The following PFKFB2 variants were observed in gnomAD, a reference collection of about 807,000 sequenced individuals.
PFKFB2 encodes 6-phosphofructo-2-kinase/fructose-2,6-biphosphatase 2, also known as 6-phosphofructo-2-kinase/fructose-2,6-bisphosphatase 2.
Under a neutral mutation model 68.0 loss-of-function variants are expected in PFKFB2, and 53 were observed. The ratio of observed to expected loss-of-function variants is 0.78; its 90% CI spans 0.63 to 0.98. The LOEUF is 0.98. Among genes scored for constraint, PFKFB2 ranks in the 50% least tolerant of loss-of-function variants. The probability of loss-of-function intolerance (pLI) is 0.00; values close to 1 mark genes in which losing one functional copy is unlikely to be tolerated. For missense variants in PFKFB2, 451 were observed against 642.0 expected (o/e 0.70, Z 3.22); for synonymous variants, 222 against 227.6 (o/e 0.98, Z 0.22).
chr1:207,072,316 C>T lies in PFKFB2; in HGVS notation c.1463C>T (p.Pro488Leu), dbSNP rs1683489738. The T allele has an allele frequency of 6.2e-7, 1 of 1,614,068 alleles. No homozygotes were observed. The highest frequency in any genetic ancestry group is 8.5e-7 in the Non-Finnish European group (1 of 1,180,040). ...RPRNYSVGSR[P>L]LKPLSPLRAQ... ...AGAAATTACAGTGTTGGGAGCCGGC[C>T]CCTCAAGCCCCTCAGCCCTCTCCGT... Residue 488 changes from proline to leucine, a missense_variant, in exon 15 of 15, where the codon CCC (proline) becomes CTC (leucine). Transcript: ENST00000367080.
intron 1 of PFKFB2, among the ~76,000 whole-genome samples, chr1:207,039,754 C>T (rs935457138): frequency 3.3e-5 from 5 of 152,192 alleles, no homozygotes; most frequent in Admixed American, 1.3e-4. Context: ...GACAAACTCT[C>T]CTGCTGTTTG....
At chr1:207,034,804 T>A (rs1471774276) in intron 1 of PFKFB2, 1 of 152,224 alleles carries the variant, frequency 6.6e-6, no homozygotes, top group African/African-American at 2.4e-5. Flanking sequence ...CTTACAAGCC[T>A]TGAGCCTCCC....
Position 207,072,551 on chromosome 1 carries a change from G to T in PFKFB2, c.*180G>T. The T allele has an allele frequency of 7.4e-7, 1 of 1,358,738 alleles. No homozygotes were observed. Among genetic ancestry groups the T allele is most frequent in the Non-Finnish European group, 9.5e-7 (1 of 1,056,706 alleles). 84.2% of individuals were successfully genotyped at this position (1,358,738 alleles called of 1,614,324 possible). A position where few individuals can be genotyped will look rare whatever the true frequency, so the allele number is the denominator to read the frequency against. On this transcript the variant is annotated 3_prime_UTR_variant, in exon 15 of 15. Coordinates refer to ENST00000367080, the MANE Select transcript of PFKFB2 (RefSeq NM_006212.2). ...GTTATGTGTTTATAGGACAACTTAA[G>T]CTGTTCTTCAGTTTGAAACATCTTT...
At chr1:207,062,539 G>T in intron 3 of PFKFB2, 81 bp from the exon 4 acceptor site, 1 of 1,565,096 alleles carries the variant, frequency 6.4e-7, no homozygotes, top group South Asian at 1.2e-5. Context: ...TGGTCACTCC[G>T]ACATTAGGCC....
At chr1:207,066,972 G>A (rs1321712212) in intron 8 of PFKFB2, among the ~76,000 whole-genome samples, 1 of 152,154 alleles carries the variant, frequency 6.6e-6, no homozygotes, top group Non-Finnish European at 1.5e-5. Flanking sequence ...CTTTTATAAA[G>A]AGAACAATCT....
chr1:207,067,372 G>A, intron 8 of PFKFB2, 127 bp from the exon 9 acceptor site: 1 of 648,336 alleles, frequency 1.5e-6, no homozygotes, highest in Non-Finnish European at 2.7e-6. Context: ...CATAAACGTG[G>A]GTGTGACAGA....
intron 9 of PFKFB2, 38 bp from the exon 10 acceptor site, chr1:207,068,124 GT>G (rs769776567): frequency 2.8e-4 from 436 of 1,564,430 alleles, no homozygotes; most frequent in Non-Finnish European, 3.7e-4. Flanking sequence ...GTGTCTGTGT[GT>G]TTTCTTTTTA....
rs576015932 is a variant in PFKFB2 at position 207,070,106 on chromosome 1, C to T, written c.1093-174C>T. ...ATTGCTTTTGAAAGATCTGAGTTTT[C>T]TCAAGAGATACCAGGGCTGGGGGCA... is the stretch of plus-strand genomic sequence containing the variant. On this transcript the variant is annotated intron_variant, in intron 11 of 14. Transcript: ENST00000367080. The surrounding 1 kb of genome is among the most constrained non-coding windows in gnomAD (Gnocchi z 4.2). Among the ~76,000 whole-genome samples, 3 of 152,198 alleles carry T rather than the reference C, an allele frequency of 2.0e-5. No individual in the cohort carries two copies. The highest frequency in any genetic ancestry group is 4.4e-5 in the Non-Finnish European group (3 of 68,042).
At chr1:207,079,016 CT>C (rs749416011), downstream of PFKFB2, 12 of 1,609,648 alleles carry the variant, frequency 7.5e-6, no homozygotes, top group South Asian at 1.3e-4. Flanking sequence ...TGTTGCCTTG[CT>C]AATGATGTGG....
chr1:207,055,443 G>A (rs549514937), intron 2 of PFKFB2, among the ~76,000 whole-genome samples: 2 of 152,232 alleles, frequency 1.3e-5, no homozygotes, highest in South Asian at 4.1e-4. Flanking sequence ...AGGAGGGTTT[G>A]CGAGGAGATG....
chr1:207,070,864 T>A lies in PFKFB2; in HGVS notation c.1223-324T>A. 3.2e-6 allele frequency: 1 copy of A among 311,578 alleles called. No individual in the cohort carries two copies. The highest frequency in any genetic ancestry group is 6.0e-6 in the Non-Finnish European group (1 of 165,318). 19.3% of individuals were successfully genotyped at this position (311,578 alleles called of 1,614,324 possible). A position where few individuals can be genotyped will look rare whatever the true frequency, so the allele number is the denominator to read the frequency against. On this transcript the variant is annotated intron_variant, in intron 12 of 14. Transcript: ENST00000367080. This position sits in a 1 kb window ranked among gnomAD's most constrained non-coding sequence, Gnocchi z 4.2. The stretch of plus-strand genomic sequence containing the variant: ...TGCATTGTGGATGCTGAGCTCAGCA[T>A]CCTGAGCTGCTTGGAAGCTGTTGTG...
At chr1:207,067,745 G>A (rs755905173) in intron 9 of PFKFB2, 39 bp downstream of exon 9, 82 of 1,484,596 alleles carry the variant, frequency 5.5e-5, no homozygotes, top group Non-Finnish European at 7.5e-5. Flanking sequence ...TCTAGGCTTA[G>A]AGTTAGAAGG....
At chr1:207,072,054 C>T in intron 14 of PFKFB2, 150 bp from the exon 15 acceptor site, 3 of 1,342,010 alleles carry the variant, frequency 2.2e-6, no homozygotes, top group Non-Finnish European at 3.0e-6. Context: ...TGCTAGGAGG[C>T]CAGGCCATGG....
intron 2 of PFKFB2, among the ~76,000 whole-genome samples, chr1:207,061,176 TATATATATATATATATATA>T (rs1683101389): frequency 1.6e-5 from 1 of 63,530 alleles, no homozygotes. Context: ...TATATATATA[TATATATATATATATATATA>T]TATATATTTT....
chr1:207,051,271 G>A (rs556993568), upstream of PFKFB2, among the ~76,000 whole-genome samples: 2 of 152,184 alleles, frequency 1.3e-5, no homozygotes, highest in African/African-American at 4.8e-5. Flanking sequence ...AGGAGTTCCT[G>A]AATGAAGGTC....
intron 1 of PFKFB2, chr1:207,034,995 A>G (rs558439765): frequency 3.0e-4 from 60 of 200,052 alleles, no homozygotes; most frequent in Non-Finnish European, 4.7e-4. Flanking sequence ...GGAGGCCTGG[A>G]CTACAGAAAA....
rs1683130039 is a variant in PFKFB2 at position 207,061,942 on chromosome 1, T to C, written c.86-11T>C. The C allele has an allele frequency of 6.2e-7, 1 of 1,612,938 alleles. No homozygotes were observed. Among genetic ancestry groups the C allele is most frequent in the East Asian group, 2.2e-5 (1 of 44,884 alleles). On this transcript the variant is annotated splice_polypyrimidine_tract_variant and intron_variant, in intron 2 of 14. Coordinates refer to ENST00000367080, the MANE Select transcript of PFKFB2 (RefSeq NM_006212.2). ...AGTCATTTCGTTTTATTTTGTTTCATTTCCTTCTAGCATGGGCCTCCTACA... is the reference window on the plus strand; with the variant it reads ...AGTCATTTCGTTTTATTTTGTTTCACTTCCTTCTAGCATGGGCCTCCTACA...
Position 207,070,136 on chromosome 1 carries a change from G to A in PFKFB2, c.1093-144G>A, listed in dbSNP as rs1683423176. 2 of 823,440 alleles carry A rather than the reference G, an allele frequency of 2.4e-6. No homozygotes were observed. Among genetic ancestry groups the A allele is most frequent in the Non-Finnish European group, 3.8e-6 (2 of 527,638 alleles). 51.0% of individuals were successfully genotyped at this position (823,440 alleles called of 1,614,324 possible). A position where few individuals can be genotyped will look rare whatever the true frequency, so the allele number is the denominator to read the frequency against. ...GAGATACCAGGGCTGGGGGCAGTTA[G>A]CAGGTGATGTAAACTCACTGAGCCT... On this transcript the variant is annotated intron_variant, in intron 11 of 14. Transcript: ENST00000367080. This position sits in a 1 kb window ranked among gnomAD's most constrained non-coding sequence, Gnocchi z 4.2.
At chr1:207,053,008 A>G (rs1050508596), upstream of PFKFB2, 1 of 152,192 alleles carries the variant, frequency 6.6e-6, no homozygotes, top group African/African-American at 2.4e-5. Flanking sequence ...AAAAAAGTCA[A>G]GCTTTTTATT....
Sources: gnomAD v4.1 joint callset for allele counts (sites outside exome capture counted in the v4.1 genomes callset) on GRCh38, gnomAD v4.1.1 for gene constraint, Gnocchi (gnomAD v3.1) non-coding constraint, MANE v1.5 for transcripts, NCBI Gene and HGNC (gene_info 2026-07-23, HGNC 2026-07-21) for gene names.